Variants in KLHL4 observed in about 807,000 individuals in gnomAD.
KLHL4 encodes kelch like family member 4, also known as kelch-like protein 4.
Under a neutral mutation model 45.8 loss-of-function variants are expected in KLHL4, and 17 were observed. The observed-to-expected ratio is 0.37, with a 90% CI of 0.25 to 0.56. The LOEUF (loss-of-function observed/expected upper bound fraction) is 0.56, where lower values mean the gene tolerates loss of function less well. KLHL4 is among the 20% of genes least tolerant of loss of function. The pLI is 0.79. For synonymous variants in KLHL4, 224 were observed against 189.9 expected (o/e 1.18, Z -1.47); for missense variants, 544 against 544.9 (o/e 1.00, Z 0.02).
At chrX:87,603,561 T>A (rs894145855) in intron 1 of KLHL4, among the ~76,000 whole-genome samples, 1 of 111,046 alleles carries the variant, frequency 9.0e-6, no homozygotes, top group African/African-American at 3.3e-5. Flanking sequence ...TTTATTTTTA[T>A]TTTTTAAAAT....
intron 1 of KLHL4, among the ~76,000 whole-genome samples, chrX:87,565,845 A>G (rs1282880406): frequency 2.7e-5 from 3 of 110,687 alleles, no homozygotes; most frequent in African/African-American, 9.9e-5. Context: ...ATGCACACAA[A>G]ATAACACACT....
chrX:87,634,214 C>A (rs1348288763), intron 8 of KLHL4, among the ~76,000 whole-genome samples: 1 of 111,614 alleles, frequency 9.0e-6, no homozygotes, highest in Non-Finnish European at 1.9e-5. Context: ...CAAGCCAGTT[C>A]TAATTTTACC....
intron 5 of KLHL4, among the ~76,000 whole-genome samples, chrX:87,624,807 A>G (rs1258996568): frequency 8.9e-6 from 1 of 112,434 alleles, no homozygotes; most frequent in Non-Finnish European, 1.9e-5. Context: ...AAAAGAATTG[A>G]TCATCTATTT....
intron 1 of KLHL4, among the ~76,000 whole-genome samples, chrX:87,561,345 C>A (rs1252146768): frequency 9.0e-6 from 1 of 110,797 alleles, no homozygotes; most frequent in East Asian, 2.9e-4. Flanking sequence ...CACATTGGGG[C>A]AGGGATAATC....
intron 1 of KLHL4, among the ~76,000 whole-genome samples, chrX:87,566,608 T>C (rs1932216741): frequency 9.0e-6 from 1 of 111,622 alleles, no homozygotes. Flanking sequence ...ATACTTGAAG[T>C]ACAGTTGCTA....
At chrX:87,579,284 G>A (rs983859302) in intron 1 of KLHL4, among the ~76,000 whole-genome samples, 8 of 111,049 alleles carry the variant, frequency 7.2e-5, no homozygotes, top group Admixed American at 3.8e-4. Context: ...GAAAACATAC[G>A]CATAGAAAAG....
At chrX:87,581,716 C>T (rs1252944002) in intron 1 of KLHL4, among the ~76,000 whole-genome samples, 2 of 111,908 alleles carry the variant, frequency 1.8e-5, no homozygotes. Context: ...TAAGCAATCT[C>T]AAAAACAGAA....
intron 1 of KLHL4, among the ~76,000 whole-genome samples, chrX:87,536,434 A>C (rs1931429136): frequency 9.0e-6 from 1 of 111,448 alleles, no homozygotes; most frequent in East Asian, 2.8e-4. Flanking sequence ...AGATAATTTA[A>C]TTAGTCTTCC....
intron 1 of KLHL4, among the ~76,000 whole-genome samples, chrX:87,598,810 G>A (rs925939162): frequency 1.5e-4 from 17 of 110,784 alleles, no homozygotes; most frequent in Non-Finnish European, 2.8e-4. Context: ...ACAGATTCTG[G>A]TTGTTTTATT....
intron 1 of KLHL4, among the ~76,000 whole-genome samples, chrX:87,532,344 G>A (rs1405836902): frequency 9.0e-6 from 1 of 110,698 alleles, no homozygotes; most frequent in Non-Finnish European, 1.9e-5. Context: ...TAACCTTGTA[G>A]TGTAGTTTGA....
intron 9 of KLHL4, among the ~76,000 whole-genome samples, chrX:87,660,280 A>C (rs1352554626): frequency 9.0e-6 from 1 of 111,615 alleles, no homozygotes; most frequent in African/African-American, 3.3e-5. Flanking sequence ...TGTATTCAAC[A>C]AAGGTAAGTG....
intron 5 of KLHL4, among the ~76,000 whole-genome samples, chrX:87,624,989 A>G (rs1922877292): frequency 8.9e-6 from 1 of 112,214 alleles, no homozygotes; most frequent in African/African-American, 3.2e-5. Flanking sequence ...CAACTACCCC[A>G]AATCCGCCAA....
chrX:87,601,148 CAG>C (rs771663079), intron 1 of KLHL4, among the ~76,000 whole-genome samples: 1 of 111,728 alleles, frequency 9.0e-6, no homozygotes, highest in African/African-American at 3.3e-5. Flanking sequence ...AGATATAAGG[CAG>C]AGAGAGAGAC....
chrX:87,519,360 T>C (rs953384982), intron 1 of KLHL4, among the ~76,000 whole-genome samples: 1 of 111,966 alleles, frequency 8.9e-6, no homozygotes, highest in Non-Finnish European at 1.9e-5. Context: ...ACTGGCAGAT[T>C]TGCTTCTTAA....
At chrX:87,656,670 G>T (rs944901601) in intron 9 of KLHL4, among the ~76,000 whole-genome samples, 2 of 108,976 alleles carry the variant, frequency 1.8e-5, no homozygotes, top group Non-Finnish European at 3.8e-5. Context: ...TCAATATTTT[G>T]AATTATTTAT....
chrX:87,575,990 A>T (rs1408265040), intron 1 of KLHL4, among the ~76,000 whole-genome samples: 1 of 111,859 alleles, frequency 8.9e-6, no homozygotes, highest in Admixed American at 9.5e-5. Context: ...TGTTGGTTTG[A>T]AAATTTGGGA....
At chrX:87,617,419 C>T (rs995755709) in intron 3 of KLHL4, among the ~76,000 whole-genome samples, 7 of 110,123 alleles carry the variant, frequency 6.4e-5, no homozygotes, top group Non-Finnish European at 1.1e-4. Context: ...AAGCTTAATG[C>T]TTTTTTTATT....
chrX:87,556,034 T>G (rs1931964735), intron 1 of KLHL4, among the ~76,000 whole-genome samples: 1 of 110,292 alleles, frequency 9.1e-6, no homozygotes, highest in Admixed American at 9.7e-5. Context: ...CAGTTTTGAG[T>G]GAGTTTCTTA....
chrX:87,574,273 A>G (rs192648531), intron 1 of KLHL4, among the ~76,000 whole-genome samples: 6 of 111,999 alleles, frequency 5.4e-5, no homozygotes, highest in Non-Finnish European at 1.1e-4. Context: ...CTAAAGAAGT[A>G]CTAATGCCCA....
Sources: allele counts gnomAD v4.1 joint callset (sites outside exome capture counted in the v4.1 genomes callset), GRCh38; gene constraint gnomAD v4.1.1; transcripts MANE v1.5; gene names NCBI Gene and HGNC (gene_info 2026-07-23, HGNC 2026-07-21).